MTMR14: variants seen among roughly 807,000 people sequenced by gnomAD.
MTMR14 encodes myotubularin related protein 14.
In MTMR14, 48 loss-of-function variants were observed where a neutral mutation model predicts 86.3. The ratio of observed to expected loss-of-function variants is 0.56; its 90% CI spans 0.44 to 0.71. The LOEUF (loss-of-function observed/expected upper bound fraction) is 0.71, where lower values mean the gene tolerates loss of function less well. Ranked by LOEUF, MTMR14 falls within the 30% of genes least tolerant of loss-of-function variation. The probability of loss-of-function intolerance (pLI) is 0.00; values close to 1 mark genes in which losing one functional copy is unlikely to be tolerated. For synonymous variants in MTMR14, 366 were observed against 326.1 expected (o/e 1.12, Z -1.32); for missense variants, 780 against 834.6 (o/e 0.93, Z 0.81).
At chr3:9,662,115 A>T (rs1439086331) in intron 2 of MTMR14, 152 bp from the exon 3 acceptor site, 4 of 675,130 alleles carry the variant, frequency 5.9e-6, no homozygotes, top group Non-Finnish European at 1.1e-5. Flanking sequence ...AGACAGACAG[A>T]TGATAGATGA....
chr3:9,697,666 T>G (rs1226803343), intron 17 of MTMR14, 45 bp from the exon 18 acceptor site: 2 of 1,602,920 alleles, frequency 1.2e-6, no homozygotes, highest in South Asian at 1.1e-5. Flanking sequence ...GTGTCAGGCA[T>G]ATGACTGACT....
intron 9 of MTMR14, among the ~76,000 whole-genome samples, chr3:9,680,572 A>G (rs577557053): frequency 3.7e-4 from 56 of 152,306 alleles, no homozygotes; most frequent in South Asian, 1.5e-3. Context: ...ATGGCCGGGC[A>G]CGGTGGCTCA....
intron 2 of MTMR14, chr3:9,659,692 C>T: frequency 2.2e-6 from 1 of 455,250 alleles, no homozygotes; most frequent in Non-Finnish European, 4.4e-6. Flanking sequence ...GATCTGCCGC[C>T]TGAGCCTCCC....
At chr3:9,686,685 C>G (rs1044722846) in intron 13 of MTMR14, among the ~76,000 whole-genome samples, 1 of 152,212 alleles carries the variant, frequency 6.6e-6, no homozygotes, top group Non-Finnish European at 1.5e-5. Context: ...CATACTGACC[C>G]GACCTGGGCA....
Position 9,701,884 on chromosome 3 carries a change from G to A in MTMR14, c.1864G>A (p.Ala622Thr), listed in dbSNP as rs2076470940. The change falls in exon 19 of 19, where the codon GCC (alanine) becomes ACC (threonine). Residue 622 changes from alanine (A) to threonine (T), a missense_variant. Coordinates refer to ENST00000296003, the MANE Select transcript of MTMR14 (RefSeq NM_001077525.3). The surrounding 1 kb of genome is among the most constrained non-coding windows in gnomAD (Gnocchi z 4.2). ...YSSTVGLRAVAPSPSGAIGGL... is the reference protein window; with the variant it reads ...YSSTVGLRAVTPSPSGAIGGL... Reference sequence around the variant, plus strand: ...CAGCACAGTGGGGCTTCGGGCAGTAGCCCCCAGTCCTTCCGGTGCCATCGG... The same window carrying A: ...CAGCACAGTGGGGCTTCGGGCAGTAACCCCCAGTCCTTCCGGTGCCATCGG... The A allele has an allele frequency of 1.2e-6, 2 of 1,614,102 alleles. No homozygotes were observed. The highest frequency in any genetic ancestry group is 1.7e-6 in the Non-Finnish European group (2 of 1,180,046).
At chr3:9,688,421 C>T (rs1020263734) in intron 14 of MTMR14, among the ~76,000 whole-genome samples, 1 of 152,228 alleles carries the variant, frequency 6.6e-6, no homozygotes, top group Non-Finnish European at 1.5e-5. Flanking sequence ...GAGCTACAAG[C>T]ATGTTGGGCC....
intron 7 of MTMR14, among the ~76,000 whole-genome samples, chr3:9,673,357 A>G (rs1427328791): frequency 6.6e-6 from 1 of 152,186 alleles, no homozygotes; most frequent in Non-Finnish European, 1.5e-5. Context: ...CTGGCACATA[A>G]AAGTGTGTGC....
chr3:9,650,566 C>T (rs2047222069), intron 1 of MTMR14: 2 of 329,204 alleles, frequency 6.1e-6, no homozygotes, highest in Non-Finnish European at 6.2e-6. Context: ...CTTGTAGTCT[C>T]TGAAGTAACC....
At chr3:9,685,270 G>A (rs868244127) in intron 13 of MTMR14, 23 bp downstream of exon 13, 2 of 1,613,932 alleles carry the variant, frequency 1.2e-6, no homozygotes, top group Non-Finnish European at 1.7e-6. Context: ...CCTACGACTT[G>A]TGGGCACAGC....
intron 1 of MTMR14, among the ~76,000 whole-genome samples, chr3:9,652,674 G>C (rs1363804792): frequency 1.3e-5 from 2 of 150,952 alleles, no homozygotes; most frequent in African/African-American, 2.4e-5. Context: ...TCTAGCCTGG[G>C]TGACAGAGCA....
chr3:9,686,625 C>G (rs771252814), intron 13 of MTMR14, among the ~76,000 whole-genome samples: 9 of 152,216 alleles, frequency 5.9e-5, no homozygotes, highest in Non-Finnish European at 1.2e-4. Flanking sequence ...TTAAAGACTA[C>G]AAAGTCTGTA....
chr3:9,653,644 T>A lies in MTMR14; in HGVS notation c.183T>A (p.Cys61Ter). 6.2e-7 allele frequency: 1 copy of A among 1,614,148 alleles called. No individual in the cohort carries two copies. Among genetic ancestry groups the A allele is most frequent in the Non-Finnish European group, 8.5e-7 (1 of 1,180,034 alleles). ...AGGTTGAGCGCATTGAGAAGAGATGTCTGGAGCTGTTTGGCCGAGACTACT... is the reference window on the plus strand; with the variant it reads ...AGGTTGAGCGCATTGAGAAGAGATGACTGGAGCTGTTTGGCCGAGACTACT... The part of the protein sequence containing the change: ...GSKVERIEKR[C>*]LELFGRDYCF... Residue 61 changes from cysteine to a stop codon, truncating the protein, a stop_gained, in exon 2 of 19, where the codon TGT becomes TGA. Coordinates refer to ENST00000296003, the MANE Select transcript of MTMR14 (RefSeq NM_001077525.3). LOFTEE classifies it high-confidence loss of function.
intron 1 of MTMR14, among the ~76,000 whole-genome samples, chr3:9,652,696 C>CAA (rs553682561): frequency 3.9e-5 from 5 of 129,646 alleles, no homozygotes; most frequent in African/African-American, 8.5e-5. Flanking sequence ...GACTCTTTCT[C>CAA]AAAAAAAAAA....
chr3:9,685,499 G>T (rs946860476), intron 13 of MTMR14, among the ~76,000 whole-genome samples: 2 of 152,174 alleles, frequency 1.3e-5, no homozygotes, highest in African/African-American at 2.4e-5. Flanking sequence ...TTACATGACA[G>T]CCTTGGCTGC....
intron 13 of MTMR14, among the ~76,000 whole-genome samples, chr3:9,685,781 C>T (rs575150986): frequency 6.6e-5 from 10 of 152,256 alleles, no homozygotes; most frequent in East Asian, 5.8e-4. Context: ...CCATGCCTGT[C>T]GCCTTTTCTG....
chr3:9,700,517 T>C (rs1054517401), intron 18 of MTMR14: 6 of 151,328 alleles, frequency 4.0e-5, no homozygotes, highest in African/African-American at 1.2e-4. Flanking sequence ...CGCACTTGTT[T>C]CCCTTCTTGA....
rs13315043 is a variant in MTMR14 at position 9,684,962 on chromosome 3, C to T, written c.1125C>T (p.Phe375=). Residue 375 remains phenylalanine, a splice_region_variant and synonymous_variant, in exon 12 of 19, where the codon TTC becomes TTT. Coordinates refer to ENST00000296003, the MANE Select transcript of MTMR14 (RefSeq NM_001077525.3). ...YLTVAYDWFL[F]GHMLVDRLSK... The stretch of plus-strand genomic sequence containing the variant: ...CTGTGGCCTATGACTGGTTCCTCTT[C>T]GGGTAAGCCTTTGCAGGAGTTGGGT... 1,905 of 1,614,056 alleles carry T rather than the reference C, an allele frequency of 1.2e-3. 19 individuals carry two copies. The African/African-American group carries it at 0.022, about 19-fold the overall frequency.
chr3:9,653,830 G>T, intron 2 of MTMR14, 61 bp downstream of exon 2: 1 of 1,608,524 alleles, frequency 6.2e-7, no homozygotes, highest in South Asian at 1.1e-5. Flanking sequence ...AATCCCTGTG[G>T]CCAGGAAGTC....
At chr3:9,678,168 G>A (rs1231119321) in intron 9 of MTMR14, 110 bp downstream of exon 9, 1 of 1,076,338 alleles carries the variant, frequency 9.3e-7, no homozygotes, top group South Asian at 1.5e-5. Flanking sequence ...GGGCTGGCTT[G>A]TGCACTCAGA....
Sources: allele counts gnomAD v4.1 joint callset (sites outside exome capture counted in the v4.1 genomes callset), GRCh38; gene constraint gnomAD v4.1.1; non-coding constraint Gnocchi (gnomAD v3.1); transcripts MANE v1.5; gene names NCBI Gene and HGNC (gene_info 2026-07-23, HGNC 2026-07-21).